Variants in SPRY3 observed in about 807,000 individuals in gnomAD.
SPRY3 encodes the protein sprouty RTK signaling antagonist 3.
In SPRY3, 15 loss-of-function variants were observed where a neutral mutation model predicts 20.2. The ratio of observed to expected loss-of-function variants is 0.74; its 90% confidence interval spans 0.50 to 1.14. The LOEUF is 1.14. SPRY3 is among the 50% of genes most tolerant of loss of function. SPRY3 has a pLI of 0.00. For missense variants in SPRY3, 364 were observed against 363.9 expected (o/e 1.00, Z 0.00); for synonymous variants, 143 against 136.5 (o/e 1.05, Z -0.33).
chrX:155,644,123 T>G (rs2067950483), intron 1 of SPRY3, among the ~76,000 whole-genome samples: 1 of 111,187 alleles, frequency 9.0e-6, no homozygotes, highest in South Asian at 3.8e-4. Flanking sequence ...TCTTTCAAGC[T>G]TGAATGATAT....
At chrX:155,709,415 A>T (rs1181993966) in intron 2 of SPRY3, among the ~76,000 whole-genome samples, 1 of 151,814 alleles carries the variant, frequency 6.6e-6, no homozygotes. Flanking sequence ...TCTGATGAGC[A>T]ATGATGCTGA....
chrX:155,761,813 G>A (rs1171210623), intron 2 of SPRY3, among the ~76,000 whole-genome samples: 2 of 150,912 alleles, frequency 1.3e-5, no homozygotes, highest in African/African-American at 2.4e-5. Flanking sequence ...TTAGTGATAT[G>A]GAGCATTTTT....
At position 155,666,592 on chromosome X, in the gene SPRY3, C is replaced by T. The variant is rs2068025274; in HGVS notation, c.-282+9567C>T. Among the ~76,000 whole-genome samples, 3 of 111,582 alleles carry T rather than the reference C, an allele frequency of 2.7e-5. No homozygotes were observed. In the South Asian group the frequency reaches 1.1e-3, roughly 41 times the overall value. On this transcript the variant is annotated intron_variant, in intron 2 of 3. Transcript: ENST00000675360. ...AGAGAGTGCTAAGAATCAAAGAAGA[C>T]TCCCAGGTTTCCGACTTGAGAGTTG...
chrX:155,633,694 C>T (rs144080416), intron 1 of SPRY3, among the ~76,000 whole-genome samples: 1,137 of 111,546 alleles, frequency 0.01, 9 homozygotes, highest in Admixed American at 0.012. Context: ...GAGTTTTGAC[C>T]TATGTTTGTG....
intron 2 of SPRY3, among the ~76,000 whole-genome samples, chrX:155,719,438 G>A (rs1045148421): frequency 6.6e-6 from 1 of 152,096 alleles, no homozygotes; most frequent in South Asian, 2.1e-4. Context: ...ACTGGGCCTA[G>A]AGACAATGGA....
In SPRY3 at chrX:155,689,388, C is replaced by T. The variant is rs1037820487; in HGVS notation, c.-282+32363C>T. ...TTGTTATGCCTCTTAGGGAGGGGTT[C>T]CTCCTCCTCATTTTTTGGGAATAGT... On this transcript the variant is annotated intron_variant, in intron 2 of 3. Transcript: ENST00000675360. Among the ~76,000 whole-genome samples the T allele has an allele frequency of 2.3e-5, 2 of 86,674 alleles. 1 individual carries two copies. Among genetic ancestry groups the T allele is most frequent in the Non-Finnish European group, 4.3e-5 (2 of 46,709 alleles). 75.3% of individuals were successfully genotyped at this position (86,674 alleles called of 115,157 possible). A position where few individuals can be genotyped will look rare whatever the true frequency, so the allele number is the denominator to read the frequency against.
intron 2 of SPRY3, among the ~76,000 whole-genome samples, chrX:155,664,946 A>C (rs894655881): frequency 9.0e-6 from 1 of 110,561 alleles, no homozygotes; most frequent in Admixed American, 9.7e-5. Flanking sequence ...AAAATATTTC[A>C]GTATAAGCAA....
chrX:155,756,761 C>T (rs2091284870), intron 2 of SPRY3, among the ~76,000 whole-genome samples: 1 of 151,944 alleles, frequency 6.6e-6, no homozygotes, highest in African/African-American at 2.4e-5. Context: ...CTTTACAAGA[C>T]ACAGAGACTT....
At chrX:155,664,854 T>C (rs2068020021) in intron 2 of SPRY3, among the ~76,000 whole-genome samples, 1 of 109,347 alleles carries the variant, frequency 9.1e-6, no homozygotes, top group Non-Finnish European at 1.9e-5. Context: ...GTCTTTATGA[T>C]ATCTAGATGG....
intron 2 of SPRY3, among the ~76,000 whole-genome samples, chrX:155,680,636 C>A (rs776105116): frequency 7.2e-5 from 8 of 111,261 alleles, no homozygotes; most frequent in Non-Finnish European, 1.5e-4. Context: ...GTGAAATATT[C>A]AAATAGAGAT....
intron 1 of SPRY3, among the ~76,000 whole-genome samples, chrX:155,626,021 T>C (rs781989270): frequency 2.7e-5 from 3 of 111,726 alleles, no homozygotes; most frequent in African/African-American, 9.7e-5. Context: ...TGAACATTCA[T>C]ATACAAGATA....
At chrX:155,640,176 C>T (rs1444254054) in intron 1 of SPRY3, among the ~76,000 whole-genome samples, 1 of 111,843 alleles carries the variant, frequency 8.9e-6, no homozygotes, top group African/African-American at 3.2e-5. Context: ...ACTTTTGACT[C>T]TCCAAAAACT....
At chrX:155,780,694 C>A (rs1489238166), downstream of SPRY3, 1 of 166,852 alleles carries the variant, frequency 6.0e-6, no homozygotes, top group African/African-American at 2.4e-5. Flanking sequence ...CATTTTTACT[C>A]TAGAGATTAG....
At chrX:155,721,400 CAG>C (rs1410560156) in intron 2 of SPRY3, among the ~76,000 whole-genome samples, 2 of 152,004 alleles carry the variant, frequency 1.3e-5, no homozygotes, top group East Asian at 1.9e-4. Context: ...GGGATAGTAA[CAG>C]AGAACCTCCC....
At chrX:155,703,650 T>A (rs2090927565) in intron 2 of SPRY3, among the ~76,000 whole-genome samples, 1 of 141,860 alleles carries the variant, frequency 7.0e-6, no homozygotes, top group Admixed American at 7.2e-5. Context: ...TTTCTTGCCT[T>A]CTGCTAGCTT....
In SPRY3 at chrX:155,763,591, T is replaced by C. The variant is rs138312618; in HGVS notation, c.-281-4371T>C. On this transcript the variant is annotated intron_variant, in intron 2 of 3. Transcript: ENST00000675360. ...TGTCATTCGAGTTATTCTCCAGCAC[T>C]ATATATTCCAATCCTCTCTTCAATA... Among the ~76,000 whole-genome samples, 1,240 of 152,330 alleles carry C rather than the reference T, an allele frequency of 8.1e-3. 20 individuals are homozygous for C. Among genetic ancestry groups the C allele is most frequent in the African/African-American group, 0.029 (1,191 of 41,582 alleles).
chrX:155,740,186 G>T (rs1397416052), intron 2 of SPRY3, among the ~76,000 whole-genome samples: 2 of 152,102 alleles, frequency 1.3e-5, no homozygotes, highest in East Asian at 3.9e-4. Flanking sequence ...ATCTTCATAA[G>T]CTGAGGATGT....
At chrX:155,623,384 C>A (rs2067877512) in intron 1 of SPRY3, among the ~76,000 whole-genome samples, 1 of 111,240 alleles carries the variant, frequency 9.0e-6, no homozygotes, top group Admixed American at 9.6e-5. Context: ...TGAAAATAAG[C>A]CATATCATAT....
chrX:155,662,293 G>A (rs1557353780), intron 2 of SPRY3, among the ~76,000 whole-genome samples: 1 of 110,751 alleles, frequency 9.0e-6, no homozygotes, highest in Non-Finnish European at 1.9e-5. Flanking sequence ...GCTTTCAGGG[G>A]AACAGGACTC....
Sources: allele counts gnomAD v4.1 joint callset (sites outside exome capture counted in the v4.1 genomes callset), GRCh38; gene constraint gnomAD v4.1.1; transcripts MANE v1.5; gene names NCBI Gene and HGNC (gene_info 2026-07-23, HGNC 2026-07-21).